Variants in BABAM2 observed in about 807,000 individuals in gnomAD.
BABAM2 encodes BRISC and BRCA1 A complex member 2, also known as BRISC and BRCA1-A complex member 2.
BABAM2 carries 31 observed loss-of-function variants against 54.7 expected under a neutral mutation model. The observed-to-expected ratio is 0.57, with a 90% CI of 0.43 to 0.77. BABAM2 has a LOEUF of 0.77. Among genes scored for constraint, BABAM2 ranks in the 30% least tolerant of loss-of-function variants. The probability of loss-of-function intolerance (pLI) is 0.00; values close to 1 mark genes in which losing one functional copy is unlikely to be tolerated. For missense variants in BABAM2, 364 were observed against 455.8 expected, an observed-to-expected ratio of 0.80 and a Z score of 1.83; for synonymous variants, 167 against 162.9, an observed-to-expected ratio of 1.03 and a Z score of -0.19.
chr2:28,088,554 G>A (rs1159954770), intron 6 of BABAM2, among the ~76,000 whole-genome samples: 3 of 152,180 alleles, frequency 2.0e-5, no homozygotes, highest in Admixed American at 2.0e-4. Flanking sequence ...GTAGGACAGG[G>A]TGGTTATTTA....
At chr2:28,265,759 A>G (rs1053014142) in intron 10 of BABAM2, among the ~76,000 whole-genome samples, 2 of 152,174 alleles carry the variant, frequency 1.3e-5, no homozygotes, top group Non-Finnish European at 2.9e-5. Context: ...CCCCACATAC[A>G]AAACATAGGG....
rs572612074 is a variant in BABAM2 at position 28,074,400 on chromosome 2, A to T, written c.570+28601A>T. On this transcript the variant is annotated intron_variant, in intron 6 of 11. Coordinates refer to ENST00000379624, the MANE Select transcript of BABAM2 (RefSeq NM_199191.3). ...TTGTGATAGCCAAAAATATCTATAGATGTTGCCAAATGTCCCCGGGAGGGC... is the reference window on the plus strand; with the variant it reads ...TTGTGATAGCCAAAAATATCTATAGTTGTTGCCAAATGTCCCCGGGAGGGC... Among the ~76,000 whole-genome samples the T allele has an allele frequency of 2.8e-4, 43 of 152,292 alleles. No individual in the cohort carries two copies. In the South Asian group the frequency reaches 5.6e-3, roughly 20 times the overall value.
At chr2:28,060,189 C>G (rs113020846) in intron 6 of BABAM2, among the ~76,000 whole-genome samples, 84 of 152,150 alleles carry the variant, frequency 5.5e-4, no homozygotes, top group African/African-American at 1.5e-3. Context: ...GTAAGGTAGG[C>G]TGAATATTCA....
intron 3 of BABAM2, chr2:27,930,309 C>G (rs1360550150): frequency 5.6e-6 from 1 of 178,896 alleles, no homozygotes; most frequent in African/African-American, 2.4e-5. Flanking sequence ...TGCGCCACGA[C>G]TTGTCACTGA....
At chr2:28,292,887 G>A (rs1243210617) in intron 10 of BABAM2, among the ~76,000 whole-genome samples, 1 of 152,186 alleles carries the variant, frequency 6.6e-6, no homozygotes, top group African/African-American at 2.4e-5. Context: ...AAAGAAGGAT[G>A]GAGAATGGCT....
chr2:28,229,060 A>G (rs931573932), intron 7 of BABAM2, among the ~76,000 whole-genome samples: 4 of 152,214 alleles, frequency 2.6e-5, no homozygotes, highest in Non-Finnish European at 5.9e-5. Flanking sequence ...TAATCACTTC[A>G]GTTCAGGTAC....
intron 2 of BABAM2, among the ~76,000 whole-genome samples, chr2:27,914,930 C>G (rs1666855999): frequency 6.6e-6 from 1 of 150,532 alleles, no homozygotes; most frequent in Non-Finnish European, 1.5e-5. Context: ...TAGATGCTTC[C>G]TGTCCTTGTT....
rs1448169027 is a variant in BABAM2, at chr2:27,992,546, GTAGT to G, written c.300+4462_300+4465del. ...ATTGAAACAAAAGCAATGCTATGGG[GTAGT>G]TAAATACTGTTTTTCACGTACAATA... On this transcript the variant is annotated intron_variant, in intron 4 of 11. Transcript: ENST00000379624. 3.3e-5 allele frequency among the ~76,000 whole-genome samples: 5 copies of G among 152,284 alleles called. No homozygotes were observed. The South Asian group carries it at 6.2e-4, about 19-fold the overall frequency.
chr2:28,025,480 A>C, intron 5 of BABAM2, 60 bp downstream of exon 5: 2 of 1,420,136 alleles, frequency 1.4e-6, no homozygotes, highest in Non-Finnish European at 9.4e-7. Context: ...TAATCAATTC[A>C]TATGTCCATT....
intron 7 of BABAM2, among the ~76,000 whole-genome samples, chr2:28,234,733 A>C (rs944876485): frequency 2.0e-5 from 3 of 152,156 alleles, no homozygotes; most frequent in African/African-American, 7.2e-5. Flanking sequence ...TTTTTCTTGC[A>C]CTGTGGATTA....
intron 4 of BABAM2, among the ~76,000 whole-genome samples, chr2:27,991,631 A>G (rs1345139690): frequency 6.6e-6 from 1 of 152,206 alleles, no homozygotes; most frequent in African/African-American, 2.4e-5. Flanking sequence ...TCTGGACATT[A>G]CATATAAATG....
rs59767338 is a variant in BABAM2, at chr2:28,101,888, T to C, written c.571-27383T>C. 2.6e-3 allele frequency among the ~76,000 whole-genome samples: 391 copies of C among 152,328 alleles called. 1 individual carries two copies. Among genetic ancestry groups the C allele is most frequent in the African/African-American group, 8.8e-3 (366 of 41,576 alleles). Reference sequence around the variant, plus strand: ...CATATTTCCTTGACTTACCCACACTTACTGAATCATAATCCCCAGGGCAGG... The same window carrying C: ...CATATTTCCTTGACTTACCCACACTCACTGAATCATAATCCCCAGGGCAGG... On this transcript the variant is annotated intron_variant, in intron 6 of 11. Transcript: ENST00000379624.
intron 6 of BABAM2, among the ~76,000 whole-genome samples, chr2:28,078,324 C>T (rs1038032443): frequency 7.6e-6 from 1 of 132,384 alleles, no homozygotes; most frequent in Non-Finnish European, 1.7e-5. Flanking sequence ...TAAGTTGACC[C>T]TTATTTTACT....
At chr2:28,024,561 C>CT in intron 4 of BABAM2, among the ~76,000 whole-genome samples, 1 of 152,272 alleles carries the variant, frequency 6.6e-6, no homozygotes, top group Middle Eastern at 3.4e-3. Context: ...AAGGAAAATC[C>CT]TGAGTGTGAT....
rs550634014 is a variant in BABAM2 at position 27,976,525 on chromosome 2, A to G, written c.206-11468A>G. 5.9e-5 allele frequency among the ~76,000 whole-genome samples: 9 copies of G among 152,264 alleles called. No homozygotes were observed. In the South Asian group the frequency reaches 1.9e-3, roughly 32 times the overall value. On this transcript the variant is annotated intron_variant, in intron 3 of 11. Transcript: ENST00000379624. The stretch of plus-strand genomic sequence containing the variant: ...AAAATGCAAAACTGAAGGGGCCAAG[A>G]GCAGGTCAGAGGTTTCCAGGAATAA...
At chr2:28,155,796 T>C (rs1672491705) in intron 7 of BABAM2, among the ~76,000 whole-genome samples, 1 of 152,160 alleles carries the variant, frequency 6.6e-6, no homozygotes, top group African/African-American at 2.4e-5. Context: ...CAGTTCCCCA[T>C]ACCAACCACC....
intron 3 of BABAM2, among the ~76,000 whole-genome samples, chr2:27,985,848 A>G (rs1345225604): frequency 6.6e-6 from 1 of 152,110 alleles, no homozygotes; most frequent in Admixed American, 6.6e-5. Flanking sequence ...GTTTATTATG[A>G]TTTTTTAAAA....
chr2:28,114,082 G>T (rs1295048213), intron 6 of BABAM2, among the ~76,000 whole-genome samples: 1 of 152,148 alleles, frequency 6.6e-6, no homozygotes, highest in Non-Finnish European at 1.5e-5. Flanking sequence ...ATGGGCAAAA[G>T]CTGGCAGCAT....
chr2:28,089,992 C>T (rs1395061570), intron 6 of BABAM2, among the ~76,000 whole-genome samples: 1 of 151,676 alleles, frequency 6.6e-6, no homozygotes, highest in East Asian at 1.9e-4. Flanking sequence ...TTAGATTATT[C>T]TGACAGTCTT....
Sources: allele counts gnomAD v4.1 joint callset (sites outside exome capture counted in the v4.1 genomes callset), GRCh38; gene constraint gnomAD v4.1.1; transcripts MANE v1.5; gene names NCBI Gene and HGNC (gene_info 2026-07-23, HGNC 2026-07-21).